Variants in SOX5 observed in about 807,000 individuals in gnomAD.
The protein encoded by SOX5 is SRY-box transcription factor 5.
Under a neutral mutation model 92.0 loss-of-function variants are expected in SOX5, and 9 were observed. That is an observed-to-expected ratio of 0.10 (90% CI 0.06 to 0.17). The LOEUF is 0.17. SOX5 is among the 10% of genes least tolerant of loss of function. The pLI is 1.00. For missense variants in SOX5, 642 were observed against 944.5 expected, an observed-to-expected ratio of 0.68 and a Z score of 4.20; for synonymous variants, 344 against 336.3, an observed-to-expected ratio of 1.02 and a Z score of -0.25.
intron 1 of SOX5, among the ~76,000 whole-genome samples, chr12:24,422,448 C>T (rs1425105960): frequency 2.6e-5 from 4 of 152,086 alleles, no homozygotes; most frequent in African/African-American, 9.7e-5. Context: ...CCTGGGAGAT[C>T]ATGGAAGCAG....
chr12:23,535,705 A>G (rs1940246672), intron 14 of SOX5, among the ~76,000 whole-genome samples: 1 of 152,208 alleles, frequency 6.6e-6, no homozygotes, highest in African/African-American at 2.4e-5. Flanking sequence ...GAGGGGACAG[A>G]GCAGATTTGG....
At chr12:23,886,290 A>G (rs561648560) in intron 2 of SOX5, among the ~76,000 whole-genome samples, 1 of 152,294 alleles carries the variant, frequency 6.6e-6, no homozygotes, top group East Asian at 1.9e-4. Flanking sequence ...CCCTTATGTT[A>G]TTTTTAAGAC....
intron 4 of SOX5, among the ~76,000 whole-genome samples, chr12:24,092,565 T>C (rs1944786727): frequency 6.6e-6 from 1 of 152,194 alleles, no homozygotes; most frequent in South Asian, 2.1e-4. Flanking sequence ...AAGAAACTGG[T>C]TAGACCTAAG....
chr12:23,550,025 T>G (rs1943893260), intron 11 of SOX5, among the ~76,000 whole-genome samples: 1 of 152,042 alleles, frequency 6.6e-6, no homozygotes, highest in African/African-American at 2.4e-5. Context: ...ACTTGGTAGC[T>G]GGTCTTGTGC....
In SOX5 at chr12:23,837,236, TTATATAATATATATTTATATTTATATAA is replaced by T. The variant is rs1189084915; in HGVS notation, c.481+8719_481+8746del. On this transcript the variant is annotated intron_variant, in intron 3 of 14. Coordinates refer to ENST00000451604, the MANE Select transcript of SOX5 (RefSeq NM_006940.6). ...TATTTATATGATATATAATATATAT[TTATATAATATATATTTATATTTATATAA>T]TATATAATATGTATTTATATTTATA... Among the ~76,000 whole-genome samples the T allele has an allele frequency of 1.1e-3, 87 of 81,208 alleles. 3 individuals are homozygous for T. Among genetic ancestry groups the T allele is most frequent in the Non-Finnish European group, 1.7e-3 (55 of 32,520 alleles). 53.3% of individuals were successfully genotyped at this position (81,208 alleles called of 152,430 possible).
At chr12:24,018,026 C>A (rs2136639325) in intron 4 of SOX5, among the ~76,000 whole-genome samples, 1 of 152,296 alleles carries the variant, frequency 6.6e-6, no homozygotes, top group Middle Eastern at 3.4e-3. Context: ...CTTCTTATAT[C>A]TTCTACCAGC....
At chr12:24,559,091 T>C (rs925007755) in intron 1 of SOX5, among the ~76,000 whole-genome samples, 1 of 152,242 alleles carries the variant, frequency 6.6e-6, no homozygotes, top group Admixed American at 6.5e-5. Flanking sequence ...AATTGGACTT[T>C]TATTTCATTA....
intron 7 of SOX5, among the ~76,000 whole-genome samples, chr12:23,664,169 C>T (rs1011352319): frequency 1.2e-4 from 18 of 151,852 alleles, no homozygotes; most frequent in Admixed American, 3.9e-4. Context: ...GATTTAAAGA[C>T]GAGAAATAAA....
At chr12:24,382,766 T>C (rs1458773153) in intron 1 of SOX5, among the ~76,000 whole-genome samples, 1 of 149,452 alleles carries the variant, frequency 6.7e-6, no homozygotes, top group African/African-American at 2.5e-5. Flanking sequence ...AAGGTAGTTT[T>C]GTTGAGGCGT....
intron 1 of SOX5, among the ~76,000 whole-genome samples, chr12:23,911,969 A>T (rs2097357067): frequency 6.6e-6 from 1 of 152,152 alleles, no homozygotes; most frequent in African/African-American, 2.4e-5. Flanking sequence ...TTAAAATTAA[A>T]AACTTTTGCA....
intron 1 of SOX5, among the ~76,000 whole-genome samples, chr12:23,919,665 A>T (rs1479589978): frequency 6.6e-6 from 1 of 152,158 alleles, no homozygotes; most frequent in Non-Finnish European, 1.5e-5. Flanking sequence ...GGAGGTCAGG[A>T]GATGCCAAGG....
At chr12:24,039,478 C>G (rs1364468263) in intron 4 of SOX5, among the ~76,000 whole-genome samples, 1 of 152,092 alleles carries the variant, frequency 6.6e-6, no homozygotes, top group African/African-American at 2.4e-5. Context: ...ACAAAAAACT[C>G]TGCAGCATTG....
chr12:23,905,334 C>A (rs1331955163), intron 1 of SOX5, among the ~76,000 whole-genome samples: 1 of 152,146 alleles, frequency 6.6e-6, no homozygotes, highest in East Asian at 1.9e-4. Context: ...TAGTGCTTCA[C>A]TAATAACTGT....
At chr12:24,188,878 A>T (rs553266777) in intron 4 of SOX5, among the ~76,000 whole-genome samples, 1 of 152,324 alleles carries the variant, frequency 6.6e-6, no homozygotes, top group Admixed American at 6.5e-5. Flanking sequence ...TGAGATGATG[A>T]TCTATATATT....
intron 2 of SOX5, among the ~76,000 whole-genome samples, chr12:24,315,771 G>A (rs1595501205): frequency 6.6e-6 from 1 of 152,204 alleles, no homozygotes; most frequent in East Asian, 1.9e-4. Flanking sequence ...AAGTAGTTCA[G>A]ATAAAAACCA....
intron 2 of SOX5, among the ~76,000 whole-genome samples, chr12:23,849,189 G>A (rs1048596956): frequency 6.6e-6 from 1 of 152,080 alleles, no homozygotes; most frequent in African/African-American, 2.4e-5. Context: ...TATTATTCAA[G>A]TGACATTTCA....
intron 2 of SOX5, among the ~76,000 whole-genome samples, chr12:24,314,158 C>T (rs905902149): frequency 6.6e-6 from 1 of 152,126 alleles, no homozygotes; most frequent in Non-Finnish European, 1.5e-5. Context: ...CATTCCTTGA[C>T]CAAAACCTGT....
chr12:24,189,574 T>C (rs1368016684), intron 4 of SOX5, among the ~76,000 whole-genome samples: 2 of 152,164 alleles, frequency 1.3e-5, no homozygotes, highest in African/African-American at 2.4e-5. Context: ...TATTTCTCAG[T>C]GGAAGTTTGA....
intron 1 of SOX5, among the ~76,000 whole-genome samples, chr12:24,403,245 C>T (rs971805479): frequency 3.3e-5 from 5 of 152,166 alleles, no homozygotes; most frequent in African/African-American, 1.2e-4. Flanking sequence ...CCAGAGCTGA[C>T]AATAAAGTTG....
Sources: gnomAD v4.1 joint callset for allele counts (sites outside exome capture counted in the v4.1 genomes callset) on GRCh38, gnomAD v4.1.1 for gene constraint, MANE v1.5 for transcripts, NCBI Gene and HGNC (gene_info 2026-07-23, HGNC 2026-07-21) for gene names.